WWP2: variants seen among roughly 807,000 people sequenced by gnomAD.
WWP2 encodes WW domain containing E3 ubiquitin protein ligase 2.
In WWP2, 57 loss-of-function variants were observed where a neutral mutation model predicts 121.0. That is an observed-to-expected ratio of 0.47 (90% confidence interval 0.38 to 0.59). WWP2 has a LOEUF of 0.59. WWP2 is among the 20% of genes least tolerant of loss of function. The pLI is 0.00. For missense variants in WWP2, 962 were observed against 1,158.9 expected (o/e 0.83, Z 2.47); for synonymous variants, 449 against 441.3 (o/e 1.02, Z -0.22).
chr16:69,930,336 C>T, intron 13 of WWP2, 78 bp downstream of exon 13: 1 of 1,578,438 alleles, frequency 6.3e-7, no homozygotes, highest in Non-Finnish European at 8.6e-7. Flanking sequence ...GGGAGGCCCA[C>T]TTTGGGTGGC....
intron 6 of WWP2, among the ~76,000 whole-genome samples, chr16:69,862,708 CTTTTT>C (rs546868069): frequency 1.3e-5 from 1 of 76,508 alleles, no homozygotes; most frequent in African/African-American, 5.8e-5. Context: ...GCCATGAATT[CTTTTT>C]TTTTTTTTTT....
intron 16 of WWP2, among the ~76,000 whole-genome samples, chr16:69,933,504 C>A (rs568466844): frequency 6.6e-6 from 1 of 152,140 alleles, no homozygotes; most frequent in African/African-American, 2.4e-5. Context: ...TGTGTATTTA[C>A]GTTATGTTGC....
Position 69,935,966 on chromosome 16 carries a change from C to G in WWP2, c.1956C>G (p.Tyr652Ter). ...KDLESIDPEF[Y>*]NSIVWIKENN... The stretch of plus-strand genomic sequence containing the variant: ...TGGAGTCCATTGACCCTGAGTTCTA[C>G]AACTCCATTGTCTGGATCAAGTGAG... The change falls in exon 18 of 24, where the codon TAC becomes TAG. Residue 652 changes from tyrosine to a stop codon, truncating the protein, a stop_gained. Coordinates refer to ENST00000359154, the MANE Select transcript of WWP2 (RefSeq NM_001270454.2). LOFTEE classifies it high-confidence loss of function. The surrounding 1 kb of genome is among the most constrained non-coding windows in gnomAD (Gnocchi z 5.2). The G allele has an allele frequency of 6.2e-7, 1 of 1,614,064 alleles. No individual in the cohort carries two copies. Among genetic ancestry groups the G allele is most frequent in the Non-Finnish European group, 8.5e-7 (1 of 1,180,002 alleles).
rs190206628 is a variant in WWP2 at position 69,815,782 on chromosome 16, G to A, written c.340+16487G>A. Among the ~76,000 whole-genome samples the A allele has an allele frequency of 2.7e-4, 39 of 142,004 alleles. 1 individual carries two copies. Among genetic ancestry groups the A allele is most frequent in the Admixed American group, 2.3e-3 (32 of 13,854 alleles). The allele number at this position is 142,004 out of a possible 152,430, so 93.2% of individuals were successfully genotyped here. A position where few individuals can be genotyped will look rare whatever the true frequency, so the allele number is the denominator to read the frequency against. Reference sequence around the variant, plus strand: ...AGCCTGGGCGACAGAACAAGACTCCGTCTCGAAAAAAAAAAAAAAAAGGCA... The same window carrying A: ...AGCCTGGGCGACAGAACAAGACTCCATCTCGAAAAAAAAAAAAAAAAGGCA... On this transcript the variant is annotated intron_variant, in intron 4 of 23. Coordinates refer to ENST00000359154, the MANE Select transcript of WWP2 (RefSeq NM_001270454.2).
intron 8 of WWP2, among the ~76,000 whole-genome samples, chr16:69,893,367 T>C (rs1026245241): frequency 2.0e-5 from 3 of 152,162 alleles, no homozygotes; most frequent in Admixed American, 6.6e-5. Context: ...TTAAATGCCA[T>C]CTTTTTTTTT....
rs753853941 is a variant in WWP2 at position 69,939,877 on chromosome 16, C to T, written c.2550C>T (p.Tyr850=). ...NRLDLPPYKS[Y]EQLREKLLYA... ...TGGATCTTCCACCCTACAAGAGCTA[C>T]GAACAGCTGAGAGAGAAGCTGCTGT... Residue 850 remains tyrosine, a synonymous_variant, in exon 24 of 24, where the codon TAC becomes TAT. Transcript: ENST00000359154. 1.6e-5 allele frequency: 26 copies of T among 1,613,990 alleles called. No individual in the cohort carries two copies. The highest frequency in any genetic ancestry group is 2.7e-5 in the African/African-American group (2 of 75,046).
At chr16:69,806,365 T>C (rs1194686522) in intron 4 of WWP2, among the ~76,000 whole-genome samples, 1 of 152,218 alleles carries the variant, frequency 6.6e-6, no homozygotes, top group Admixed American at 6.5e-5. Context: ...TCGTTAGTGG[T>C]AATTTGTCTG....
Position 69,937,110 on chromosome 16 carries a change from G to T in WWP2, c.2118-8G>T. Reference sequence around the variant, plus strand: ...CAGACTCCACCCATGGCTGCTCTTTGGTCTCAGGCTGCTGACTGACTGGCG... The same window carrying T: ...CAGACTCCACCCATGGCTGCTCTTTTGTCTCAGGCTGCTGACTGACTGGCG... On this transcript the variant is annotated splice_polypyrimidine_tract_variant and splice_region_variant and intron_variant, in intron 19 of 23. Transcript: ENST00000359154. The surrounding 1 kb of genome is among the most constrained non-coding windows in gnomAD (Gnocchi z 6.6). 1 of 1,613,670 alleles carries T rather than the reference G, an allele frequency of 6.2e-7. No homozygotes were observed. Among genetic ancestry groups the T allele is most frequent in the South Asian group, 1.1e-5 (1 of 91,022 alleles).
chr16:69,923,186 G>A (rs568770885), intron 10 of WWP2, among the ~76,000 whole-genome samples: 2 of 151,848 alleles, frequency 1.3e-5, no homozygotes, highest in African/African-American at 2.4e-5. Flanking sequence ...CACGGCACCC[G>A]GCCGCCATGA....
chr16:69,933,967 C>T lies in WWP2; in HGVS notation c.1683-3C>T, dbSNP rs367562242. 1 of 1,613,224 alleles carries T rather than the reference C, an allele frequency of 6.2e-7. No homozygotes were observed. The highest frequency in any genetic ancestry group is 8.5e-7 in the Non-Finnish European group (1 of 1,179,356). On this transcript the variant is annotated splice_polypyrimidine_tract_variant and splice_region_variant and intron_variant, in intron 16 of 23. Transcript: ENST00000359154. ...CTTGTCTTTTCTGTCTCTTCCCTCA[C>T]AGAGAGTGGTTTTTCCTCCTGTCTC...
rs750367617 is a variant in WWP2 at position 69,929,549 on chromosome 16, G to T, written c.1316+20G>T. 8.1e-6 allele frequency: 13 copies of T among 1,611,570 alleles called. No homozygotes were observed. The Admixed American group carries it at 1.2e-4, about 14-fold the overall frequency. ...CCAGGGGTAAGGACTTGGGCTGAGA[G>T]GGGGGCCGGGCTGGGCTGGGTCTCT... On this transcript the variant is annotated intron_variant, in intron 12 of 23. Transcript: ENST00000359154.
intron 6 of WWP2, among the ~76,000 whole-genome samples, chr16:69,848,583 G>A (rs1336928438): frequency 6.9e-6 from 1 of 143,994 alleles, no homozygotes; most frequent in African/African-American, 2.6e-5. Context: ...GCTATAGTGA[G>A]CCAAGATGGA....
chr16:69,841,563 C>G (rs1044436190), intron 5 of WWP2, among the ~76,000 whole-genome samples: 9 of 152,086 alleles, frequency 5.9e-5, no homozygotes, highest in African/African-American at 2.2e-4. Context: ...GATTTTGGAC[C>G]TCATCTTGAG....
intron 1 of WWP2, among the ~76,000 whole-genome samples, chr16:69,778,192 A>ACT (rs1555544416): frequency 8.0e-6 from 1 of 125,658 alleles, no homozygotes; most frequent in Admixed American, 8.5e-5. Context: ...ATATATATAT[A>ACT]TTTTTTTTTT....
intron 10 of WWP2, 141 bp downstream of exon 10, chr16:69,918,024 A>C: frequency 8.9e-7 from 1 of 1,118,104 alleles, no homozygotes; most frequent in South Asian, 1.7e-5. Flanking sequence ...TGGAGATTTT[A>C]CTCATCACAG....
At chr16:69,860,029 C>T (rs2057387762) in intron 6 of WWP2, among the ~76,000 whole-genome samples, 1 of 151,884 alleles carries the variant, frequency 6.6e-6, no homozygotes, top group South Asian at 2.1e-4. Flanking sequence ...AAATTCTCCC[C>T]ACAGTAGAAA....
intron 1 of WWP2, among the ~76,000 whole-genome samples, chr16:69,775,423 C>T (rs1023415741): frequency 6.6e-6 from 1 of 152,180 alleles, no homozygotes; most frequent in African/African-American, 2.4e-5. Flanking sequence ...TAAACCCCAT[C>T]AGCCATGTCC....
intron 1 of WWP2, among the ~76,000 whole-genome samples, chr16:69,776,679 T>G (rs920602272): frequency 6.6e-6 from 1 of 152,040 alleles, no homozygotes; most frequent in African/African-American, 2.4e-5. Context: ...ATACAAAACA[T>G]TAGCTGGGCG....
At chr16:69,864,688 T>C (rs2057486864) in intron 6 of WWP2, among the ~76,000 whole-genome samples, 1 of 150,648 alleles carries the variant, frequency 6.6e-6, no homozygotes, top group African/African-American at 2.4e-5. Context: ...TAGCTGAGAT[T>C]ACAGGCGCCA....
Sources: allele counts gnomAD v4.1 joint callset (sites outside exome capture counted in the v4.1 genomes callset), GRCh38; gene constraint gnomAD v4.1.1; non-coding constraint Gnocchi (gnomAD v3.1); transcripts MANE v1.5; gene names NCBI Gene and HGNC (gene_info 2026-07-23, HGNC 2026-07-21).